The following KLHL7 variants were observed in gnomAD, a reference collection of about 807,000 sequenced individuals.
KLHL7 encodes kelch-like protein 7.
A neutral mutation model predicts 67.4 loss-of-function variants in KLHL7; 44 were observed. The observed-to-expected ratio is 0.65, with a 90% confidence interval of 0.51 to 0.84. The LOEUF is 0.84. Ranked by LOEUF, KLHL7 falls within the 40% of genes least tolerant of loss-of-function variation. The pLI is 0.00. For synonymous variants in KLHL7, 252 were observed against 243.3 expected, an observed-to-expected ratio of 1.04 and a Z score of -0.33; for missense variants, 362 against 718.1, an observed-to-expected ratio of 0.50 and a Z score of 5.67.
chr7:23,118,579 A>G (rs1783195094), intron 1 of KLHL7, among the ~76,000 whole-genome samples: 1 of 152,176 alleles, frequency 6.6e-6, no homozygotes, highest in Non-Finnish European at 1.5e-5. Flanking sequence ...TTCATCCTGT[A>G]TTCACTCTTC....
At chr7:23,114,257 G>A (rs910271029) in intron 1 of KLHL7, among the ~76,000 whole-genome samples, 1 of 145,730 alleles carries the variant, frequency 6.9e-6, no homozygotes, top group East Asian at 1.9e-4. Context: ...TAGGACATAC[G>A]ACTGTGCAGC....
intron 9 of KLHL7, chr7:23,172,739 G>A (rs535415336): frequency 2.0e-6 from 1 of 501,658 alleles, no homozygotes; most frequent in South Asian, 2.7e-5. Flanking sequence ...GAATTGAAAG[G>A]AATAAAATCC....
chr7:23,109,741 A>G (rs1354303329), intron 1 of KLHL7, among the ~76,000 whole-genome samples: 2 of 152,242 alleles, frequency 1.3e-5, no homozygotes, highest in African/African-American at 2.4e-5. Flanking sequence ...CTTGATATTA[A>G]TAAGACTTCT....
At chr7:23,150,514 T>C (rs879533536) in intron 6 of KLHL7, among the ~76,000 whole-genome samples, 2 of 152,202 alleles carry the variant, frequency 1.3e-5, no homozygotes, top group Non-Finnish European at 2.9e-5. Context: ...GATCATTCCA[T>C]GCGTACATAC....
At chr7:23,137,305 A>C (rs1485670274) in intron 4 of KLHL7, among the ~76,000 whole-genome samples, 1 of 152,176 alleles carries the variant, frequency 6.6e-6, no homozygotes, top group Non-Finnish European at 1.5e-5. Context: ...AGAAAAAATA[A>C]TAAAGCAGAG....
chr7:23,140,142 C>T (rs1784126140), intron 4 of KLHL7, among the ~76,000 whole-genome samples: 1 of 152,200 alleles, frequency 6.6e-6, no homozygotes, highest in Non-Finnish European at 1.5e-5. Flanking sequence ...ATTAATATCA[C>T]ATGGAGATTT....
intron 10 of KLHL7, 31 bp downstream of exon 10, chr7:23,173,076 C>A (rs1785211421): frequency 6.7e-7 from 1 of 1,498,856 alleles, no homozygotes; most frequent in African/African-American, 1.4e-5. Context: ...GTTCCACTTT[C>A]CTGATGAGTT....
At chr7:23,143,536 T>G (rs936869730) in intron 5 of KLHL7, among the ~76,000 whole-genome samples, 4 of 151,898 alleles carry the variant, frequency 2.6e-5, no homozygotes, top group South Asian at 4.1e-4. Context: ...TGACTGATAG[T>G]TTTTTTTCAG....
intron 2 of KLHL7, 57 bp from the exon 3 acceptor site, chr7:23,124,631 C>A: frequency 9.8e-7 from 1 of 1,016,392 alleles, no homozygotes; most frequent in Non-Finnish European, 1.6e-6. Flanking sequence ...TGCCGTGGTT[C>A]CTCAGTCAAA....
chr7:23,120,620 G>A (rs1038151259), intron 1 of KLHL7, among the ~76,000 whole-genome samples: 3 of 152,130 alleles, frequency 2.0e-5, no homozygotes, highest in African/African-American at 7.2e-5. Flanking sequence ...AGACTGGAGT[G>A]CAGTGGCATG....
rs572479542 is a variant in KLHL7, at chr7:23,117,926, G to C, written c.121-5851G>C. On this transcript the variant is annotated intron_variant, in intron 1 of 10. Coordinates refer to ENST00000339077, the MANE Select transcript of KLHL7 (RefSeq NM_001031710.3). ...ATTTGATATCATGCTGGGAGGGACTGATTGCAGAACCTTCTTGACAAGCCA... is the reference window on the plus strand; with the variant it reads ...ATTTGATATCATGCTGGGAGGGACTCATTGCAGAACCTTCTTGACAAGCCA... The C allele has an allele frequency of 1.9e-6, 3 of 1,614,134 alleles. No individual in the cohort carries two copies. The South Asian group carries it at 3.3e-5, about 18-fold the overall frequency.
intron 4 of KLHL7, among the ~76,000 whole-genome samples, chr7:23,134,016 T>C (rs1783889337): frequency 6.6e-6 from 1 of 152,236 alleles, no homozygotes; most frequent in South Asian, 2.1e-4. Flanking sequence ...GTGAGCATCC[T>C]GGTTGTGTTC....
chr7:23,110,846 A>G lies in KLHL7; in HGVS notation c.120+4700A>G, dbSNP rs568825444. Among the ~76,000 whole-genome samples, 31 of 139,254 alleles carry G rather than the reference A, an allele frequency of 2.2e-4. No individual in the cohort carries two copies. The South Asian group carries it at 6.6e-3, about 30-fold the overall frequency. The allele number at this position is 139,254 out of a possible 152,430, so 91.4% of individuals were successfully genotyped here. A position where few individuals can be genotyped will look rare whatever the true frequency, so the allele number is the denominator to read the frequency against. On this transcript the variant is annotated intron_variant, in intron 1 of 10. Transcript: ENST00000339077. ...TGTTCTCATTGTTCAAGTCCCACCT[A>G]TGAGTGAGAACATGCGGTTCACTAC...
At chr7:23,171,752 C>T (rs1302287510) in intron 9 of KLHL7, among the ~76,000 whole-genome samples, 1 of 152,218 alleles carries the variant, frequency 6.6e-6, no homozygotes, top group African/African-American at 2.4e-5. Context: ...CTCTGTCGCC[C>T]AGGCTGCAGT....
rs11311465 is a variant in KLHL7 at position 23,113,132 on chromosome 7, T to TA, written c.120+6998dup. Among the ~76,000 whole-genome samples the TA allele has an allele frequency of 2.7e-3, 394 of 147,136 alleles. 2 individuals are homozygous for TA. Among genetic ancestry groups the TA allele is most frequent in the East Asian group, 0.016 (82 of 5,002 alleles). ...TCTATCCAGTGATTTCTCTTTTCTC[T>TA]AAAAAAAAAAAATAGAATGAGATCA... On this transcript the variant is annotated intron_variant, in intron 1 of 10. Transcript: ENST00000339077.
At chr7:23,169,191 G>A (rs1004881559) in intron 9 of KLHL7, among the ~76,000 whole-genome samples, 2 of 152,040 alleles carry the variant, frequency 1.3e-5, no homozygotes, top group African/African-American at 4.8e-5. Context: ...CCTGGGAGGC[G>A]GAGGTTGCAG....
At position 23,175,064 on chromosome 7, in the gene KLHL7, T is replaced by C. The variant is rs1436014791; in HGVS notation, c.*766T>C. The C allele has an allele frequency of 2.2e-6, 1 of 453,970 alleles. No individual in the cohort carries two copies. The highest frequency in any genetic ancestry group is 6.9e-5 in the East Asian group (1 of 14,398). The allele number at this position is 453,970 out of a possible 1,614,324, so 28.1% of individuals were successfully genotyped here. ...AATAAAACCCAATCATAGTAAGTGA[T>C]TAACTAGCAAAAAGTAAAGCTATTT... On this transcript the variant is annotated 3_prime_UTR_variant, in exon 11 of 11. Coordinates refer to ENST00000339077, the MANE Select transcript of KLHL7 (RefSeq NM_001031710.3).
At chr7:23,172,391 T>G (rs752840601) in intron 9 of KLHL7, among the ~76,000 whole-genome samples, 1 of 152,202 alleles carries the variant, frequency 6.6e-6, no homozygotes, top group Non-Finnish European at 1.5e-5. Flanking sequence ...ATGATAGTAC[T>G]TTTTTGTTAC....
In KLHL7 at chr7:23,166,356, C is replaced by T. The variant is rs1476055964; in HGVS notation, c.1177+418C>T. 3.3e-5 allele frequency among the ~76,000 whole-genome samples: 5 copies of T among 151,956 alleles called. No individual in the cohort carries two copies. In the East Asian group the frequency reaches 9.6e-4, roughly 29 times the overall value. The stretch of plus-strand genomic sequence containing the variant: ...TATTAGAAAAAAGAATGCTCTTTTT[C>T]ATTTGTTTTATTCTTTAAGTTTTTA... On this transcript the variant is annotated intron_variant, in intron 8 of 10. Transcript: ENST00000339077.
Sources: gnomAD v4.1 joint callset for allele counts (sites outside exome capture counted in the v4.1 genomes callset) on GRCh38, gnomAD v4.1.1 for gene constraint, MANE v1.5 for transcripts, NCBI Gene and HGNC (gene_info 2026-07-23, HGNC 2026-07-21) for gene names.